Variants in TPD52 observed in about 807,000 individuals in gnomAD.
The protein encoded by TPD52 is prostate and colon associated protein.
In TPD52, 17 loss-of-function variants were observed where a neutral mutation model predicts 31.3. The ratio of observed to expected loss-of-function variants is 0.54; its 90% CI spans 0.37 to 0.82. TPD52 has a LOEUF of 0.82. Among genes scored for constraint, TPD52 ranks in the 40% least tolerant of loss-of-function variants. TPD52 has a pLI of 0.00. For missense variants in TPD52, 212 were observed against 240.1 expected (o/e 0.88, Z 0.77); for synonymous variants, 83 against 89.6 (o/e 0.93, Z 0.42).
chr8:80,068,542 T>C (rs1813416239), intron 1 of TPD52, among the ~76,000 whole-genome samples: 2 of 152,240 alleles, frequency 1.3e-5, no homozygotes, highest in African/African-American at 4.8e-5. Context: ...TTTTAGCCAT[T>C]GCCTTAGTTC....
chr8:80,104,564 T>TA (rs1182563814), intron 1 of TPD52, among the ~76,000 whole-genome samples: 201 of 136,356 alleles, frequency 1.5e-3, no homozygotes, highest in East Asian at 0.011. Flanking sequence ...CATCTCTATT[T>TA]AAAAAAAAAA....
Position 80,094,453 on chromosome 8 carries a change from T to G in TPD52, c.20-29860A>C, listed in dbSNP as rs1470802747. Among the ~76,000 whole-genome samples, 2 of 70,242 alleles carry G rather than the reference T, an allele frequency of 2.8e-5. 1 individual carries two copies. The highest frequency in any genetic ancestry group is 2.6e-4 in the Admixed American group (2 of 7,652). The allele number at this position is 70,242 out of a possible 152,430, so 46.1% of individuals were successfully genotyped here. A position where few individuals can be genotyped will look rare whatever the true frequency, so the allele number is the denominator to read the frequency against. On this transcript the variant is annotated intron_variant, in intron 1 of 7. Transcript: ENST00000518937. ...TTTTATATATATATATATATATATA[T>G]ATATATATATATATATATATATATA...
chr8:80,160,198 A>T (rs933231460), intron 1 of TPD52, among the ~76,000 whole-genome samples: 95 of 151,830 alleles, frequency 6.3e-4, no homozygotes, highest in Non-Finnish European at 7.4e-4. Context: ...CTCAAAAAAA[A>T]AAAGTAGTTT....
chr8:80,039,201 T>C (rs955209151), intron 7 of TPD52, among the ~76,000 whole-genome samples: 4 of 152,254 alleles, frequency 2.6e-5, no homozygotes, highest in Non-Finnish European at 4.4e-5. Flanking sequence ...ATAATGTGTG[T>C]TCATTGTTTA....
downstream of TPD52, among the ~76,000 whole-genome samples, chr8:80,032,151 T>C (rs1193058197): frequency 1.7e-5 from 1 of 59,322 alleles, no homozygotes; most frequent in Non-Finnish European, 2.7e-5. Context: ...AGACTCCAGC[T>C]CAAAAAAAAA....
chr8:80,098,858 G>C (rs971623688), intron 1 of TPD52, among the ~76,000 whole-genome samples: 1 of 152,062 alleles, frequency 6.6e-6, no homozygotes, highest in African/African-American at 2.4e-5. Flanking sequence ...CAATTGCCAC[G>C]GCCAGCTCAA....
chr8:80,130,640 T>C (rs1467068404), intron 1 of TPD52, among the ~76,000 whole-genome samples: 1 of 152,178 alleles, frequency 6.6e-6, no homozygotes, highest in African/African-American at 2.4e-5. Context: ...CTAGAAAATA[T>C]ATTTCATAAG....
intron 1 of TPD52, among the ~76,000 whole-genome samples, chr8:80,156,285 A>C (rs1810968868): frequency 6.6e-6 from 1 of 152,126 alleles, no homozygotes; most frequent in Non-Finnish European, 1.5e-5. Flanking sequence ...GGCTTCTTAC[A>C]TGTTCGCTCA....
At chr8:80,070,138 T>C (rs1813610261) in intron 1 of TPD52, among the ~76,000 whole-genome samples, 1 of 152,146 alleles carries the variant, frequency 6.6e-6, no homozygotes, top group Non-Finnish European at 1.5e-5. Context: ...ACTAAAAATG[T>C]AGAACCTACA....
chr8:80,114,369 T>C (rs1392890728), intron 1 of TPD52, among the ~76,000 whole-genome samples: 1 of 152,236 alleles, frequency 6.6e-6, no homozygotes, highest in African/African-American at 2.4e-5. Context: ...ATATACTTAT[T>C]ACACATAGTA....
chr8:80,072,766 CACACATATATATACACAT>C, intron 1 of TPD52, among the ~76,000 whole-genome samples: 1 of 148,852 alleles, frequency 6.7e-6, no homozygotes, highest in East Asian at 1.9e-4. Context: ...TATATACACA[CACACATATATATACACAT>C]ACACACACAC....
intron 1 of TPD52, among the ~76,000 whole-genome samples, chr8:80,162,252 C>T (rs548496137): frequency 6.4e-4 from 97 of 152,106 alleles, no homozygotes; most frequent in African/African-American, 2.3e-3. Flanking sequence ...AATATTTGCT[C>T]CTAATACTGT....
intron 1 of TPD52, among the ~76,000 whole-genome samples, chr8:80,152,733 A>ATG (rs1223600465): frequency 7.4e-6 from 1 of 135,014 alleles, no homozygotes; most frequent in Non-Finnish European, 1.5e-5. Context: ...AGTAGCCGAG[A>ATG]TTGCGCCACT....
rs971497984 is a variant in TPD52 at position 80,137,318 on chromosome 8, T to C, written c.19+34107A>G. ...TTACTAGAAATCACTGAATTGTACA[T>C]TTAAAACAAGTGAATTTTAAGGTAA... On this transcript the variant is annotated intron_variant, in intron 1 of 7. Coordinates refer to ENST00000518937, the MANE Select transcript of TPD52 (RefSeq NM_001025253.3). 5.9e-5 allele frequency among the ~76,000 whole-genome samples: 9 copies of C among 152,346 alleles called. No homozygotes were observed. In the South Asian group the frequency reaches 6.2e-4, roughly 11 times the overall value.
intron 1 of TPD52, 198 bp downstream of exon 1, chr8:80,171,227 C>G (rs1375705927): frequency 1.4e-6 from 1 of 728,494 alleles, no homozygotes; most frequent in East Asian, 2.7e-5. Context: ...GCAGTCCCAT[C>G]TGCCCCCGCC....
intron 1 of TPD52, among the ~76,000 whole-genome samples, chr8:80,152,708 G>T (rs899460749): frequency 6.8e-6 from 1 of 147,684 alleles, no homozygotes; most frequent in Non-Finnish European, 1.5e-5. Context: ...TTGAATCTTG[G>T]GGGGCAGATG....
Position 80,038,126 on chromosome 8 carries a change from T to G in TPD52, c.614A>C (p.Glu205Ala), listed in dbSNP as rs769652694. The G allele has an allele frequency of 7.4e-6, 12 of 1,613,980 alleles. No homozygotes were observed. The highest frequency in any genetic ancestry group is 5.0e-5 in the Admixed American group (3 of 60,006). ...TTEPLPEKTQ[E>A]SL ...ACAAAGGTAGGAATCTCACAGGCTC[T>G]CCTGTGTCTTTTCTGGAAGAGGCTC... Residue 205 changes from glutamate (E) to alanine (A), a missense_variant, in exon 8 of 8, where the codon GAG (glutamate) becomes GCG (alanine). Transcript: ENST00000518937.
intron 2 of TPD52, among the ~76,000 whole-genome samples, chr8:80,059,266 C>G (rs1312478925): frequency 1.3e-5 from 2 of 151,734 alleles, no homozygotes; most frequent in East Asian, 3.9e-4. Context: ...TGAAGGAAAA[C>G]AAAAACAGTG....
At chr8:80,167,266 ATAAT>A (rs763903265) in intron 1 of TPD52, among the ~76,000 whole-genome samples, 2 of 152,268 alleles carry the variant, frequency 1.3e-5, no homozygotes, top group East Asian at 1.9e-4. Context: ...TAAGGCAGAA[ATAAT>A]TAACCCCAAA....
Sources: allele counts gnomAD v4.1 joint callset (sites outside exome capture counted in the v4.1 genomes callset), GRCh38; gene constraint gnomAD v4.1.1; transcripts MANE v1.5; gene names NCBI Gene and HGNC (gene_info 2026-07-23, HGNC 2026-07-21).